BARX2: variants seen among roughly 807,000 people sequenced by gnomAD.
BARX2 encodes homeobox protein BarH-like 2.
BARX2 carries 11 observed loss-of-function variants against 25.5 expected under a neutral mutation model. That is an observed-to-expected ratio of 0.43 (90% CI 0.27 to 0.71). The LOEUF is 0.71. Among genes scored for constraint, BARX2 ranks in the 30% least tolerant of loss-of-function variants. The probability of loss-of-function intolerance (pLI) is 0.19; values close to 1 mark genes in which losing one functional copy is unlikely to be tolerated. For synonymous variants in BARX2, 137 were observed against 149.5 expected (o/e 0.92, Z 0.61); for missense variants, 360 against 359.9 (o/e 1.00, Z 0.00).
intron 1 of BARX2, among the ~76,000 whole-genome samples, chr11:129,387,828 A>G (rs1861630188): frequency 6.6e-6 from 1 of 152,214 alleles, no homozygotes; most frequent in Non-Finnish European, 1.5e-5. Flanking sequence ...ACAATAATAA[A>G]TGGCAACCAC....
intron 1 of BARX2, among the ~76,000 whole-genome samples, chr11:129,395,299 T>C (rs912586724): frequency 2.0e-5 from 3 of 152,194 alleles, no homozygotes; most frequent in African/African-American, 7.2e-5. Flanking sequence ...ATATTTCCAT[T>C]GTCATACAAC....
intron 1 of BARX2, among the ~76,000 whole-genome samples, chr11:129,429,267 C>T (rs985904026): frequency 6.6e-6 from 1 of 152,030 alleles, no homozygotes; most frequent in African/African-American, 2.4e-5. Context: ...CATGGTGGCT[C>T]ACACTTGTAA....
chr11:129,375,727 C>CGGGCGG (rs1861494263), upstream of BARX2, among the ~76,000 whole-genome samples: 1 of 143,690 alleles, frequency 7.0e-6, no homozygotes, highest in Non-Finnish European at 1.5e-5. The surrounding 1 kb of genome is among the most constrained non-coding windows in gnomAD (Gnocchi z 4.0). Flanking sequence ...GTGGCACGGG[C>CGGGCGG]GGGCGGGGGC....
intron 1 of BARX2, among the ~76,000 whole-genome samples, chr11:129,395,033 A>G (rs1299556352): frequency 2.0e-5 from 3 of 152,112 alleles, no homozygotes; most frequent in Non-Finnish European, 4.4e-5. Context: ...TTGAAATACA[A>G]TGACTCTAAA....
At chr11:129,413,078 T>C (rs1252940333) in intron 1 of BARX2, among the ~76,000 whole-genome samples, 2 of 152,226 alleles carry the variant, frequency 1.3e-5, no homozygotes, top group African/African-American at 4.8e-5. Flanking sequence ...ATTTGAGTTT[T>C]GCCTTAAAGA....
At chr11:129,440,771 T>A (rs899612942) in intron 2 of BARX2, among the ~76,000 whole-genome samples, 5 of 152,128 alleles carry the variant, frequency 3.3e-5, no homozygotes, top group African/African-American at 7.2e-5. Context: ...CCTGTGGGCC[T>A]CCCTGATAGT....
chr11:129,399,469 C>T (rs1425688821), intron 1 of BARX2, among the ~76,000 whole-genome samples: 2 of 152,130 alleles, frequency 1.3e-5, no homozygotes, highest in Non-Finnish European at 2.9e-5. Context: ...CCAAGCAATC[C>T]TCCTGTCTCA....
chr11:129,421,030 G>A (rs1243889848), intron 1 of BARX2, among the ~76,000 whole-genome samples: 3 of 152,198 alleles, frequency 2.0e-5, no homozygotes, highest in Admixed American at 1.3e-4. Flanking sequence ...TAACGGGGTT[G>A]TCAAGGCCAG....
intron 1 of BARX2, among the ~76,000 whole-genome samples, chr11:129,404,345 A>T (rs1861808107): frequency 6.6e-6 from 1 of 152,216 alleles, no homozygotes; most frequent in South Asian, 2.1e-4. Flanking sequence ...TGATGGTGGG[A>T]CTCAGTATCA....
At chr11:129,420,591 G>T (rs778655777) in intron 1 of BARX2, among the ~76,000 whole-genome samples, 4 of 152,196 alleles carry the variant, frequency 2.6e-5, no homozygotes, top group Admixed American at 1.3e-4. Context: ...TGTGCATGGT[G>T]CAAATATAGT....
chr11:129,399,580 G>C (rs1329490682), intron 1 of BARX2, among the ~76,000 whole-genome samples: 1 of 152,116 alleles, frequency 6.6e-6, no homozygotes, highest in African/African-American at 2.4e-5. Context: ...ATTCAAGGGT[G>C]AGCTGGTGGT....
intron 1 of BARX2, among the ~76,000 whole-genome samples, chr11:129,399,129 C>T (rs73024949): frequency 0.02 from 2,989 of 152,236 alleles, 46 homozygotes; most frequent in Middle Eastern, 0.065. Context: ...CAGATTGGCC[C>T]AATGGATTAG....
chr11:129,451,675 TG>T lies in BARX2; in HGVS notation c.*277del. On this transcript the variant is annotated 3_prime_UTR_variant, in exon 4 of 4. Transcript: ENST00000281437. ...GCGCCTAGGAGCTGCCTGCCCCAGC[TG>T]GGGTGACGGCTGTAGGGCTGGGTCT... The T allele has an allele frequency of 2.2e-6, 1 of 455,404 alleles. No individual in the cohort carries two copies. The highest frequency in any genetic ancestry group is 4.0e-6 in the Non-Finnish European group (1 of 251,680). 28.2% of individuals were successfully genotyped at this position (455,404 alleles called of 1,614,324 possible). A position where few individuals can be genotyped will look rare whatever the true frequency, so the allele number is the denominator to read the frequency against.
intron 1 of BARX2, among the ~76,000 whole-genome samples, chr11:129,413,714 G>A (rs1018000189): frequency 2.0e-5 from 3 of 152,148 alleles, no homozygotes; most frequent in Non-Finnish European, 4.4e-5. Flanking sequence ...GGGGAAAGGT[G>A]TCATCGGCAC....
intron 3 of BARX2, among the ~76,000 whole-genome samples, chr11:129,445,401 T>A (rs1230513085): frequency 6.6e-6 from 1 of 152,246 alleles, no homozygotes; most frequent in Non-Finnish European, 1.5e-5. Context: ...CACCGCCCAG[T>A]GCCCGTGGGC....
At chr11:129,392,463 A>T (rs1184577489) in intron 1 of BARX2, among the ~76,000 whole-genome samples, 1 of 152,222 alleles carries the variant, frequency 6.6e-6, no homozygotes, top group Non-Finnish European at 1.5e-5. Flanking sequence ...TGTGTGGTAC[A>T]GGTGACACCT....
chr11:129,382,826 A>T (rs1460492041), intron 1 of BARX2, among the ~76,000 whole-genome samples: 1 of 152,030 alleles, frequency 6.6e-6, no homozygotes, highest in Non-Finnish European at 1.5e-5. Context: ...TGCTCAAAGG[A>T]TGGGCAAAAG....
chr11:129,404,570 T>C (rs1321288753), intron 1 of BARX2, among the ~76,000 whole-genome samples: 1 of 152,252 alleles, frequency 6.6e-6, no homozygotes, highest in Non-Finnish European at 1.5e-5. Flanking sequence ...GGCTTTTCCC[T>C]GCCTCCCACT....
chr11:129,437,436 A>G, intron 2 of BARX2: 1 of 1,000,184 alleles, frequency 1.0e-6, no homozygotes, highest in Admixed American at 5.9e-5. Context: ...GGGATTCATG[A>G]TCTTCTCAAT....
Sources: allele counts gnomAD v4.1 joint callset (sites outside exome capture counted in the v4.1 genomes callset), GRCh38; gene constraint gnomAD v4.1.1; non-coding constraint Gnocchi (gnomAD v3.1); transcripts MANE v1.5; gene names NCBI Gene and HGNC (gene_info 2026-07-23, HGNC 2026-07-21).